ATP2A2: variants seen among roughly 807,000 people sequenced by gnomAD.
The protein encoded by ATP2A2 is sarcoplasmic/endoplasmic reticulum calcium ATPase 2.
A neutral mutation model predicts 109.3 loss-of-function variants in ATP2A2; 14 were observed. The observed-to-expected ratio is 0.13, with a 90% confidence interval of 0.08 to 0.20. The LOEUF (loss-of-function observed/expected upper bound fraction) is 0.20. Among genes scored for constraint, ATP2A2 ranks in the 10% least tolerant of loss-of-function variants. The probability of loss-of-function intolerance (pLI) is 1.00; values close to 1 mark genes in which losing one functional copy is unlikely to be tolerated. For synonymous variants in ATP2A2, 506 were observed against 490.9 expected (o/e 1.03, Z -0.41); for missense variants, 657 against 1,321.6 (o/e 0.50, Z 7.80).
chr12:110,292,785 A>G (rs970945318), intron 4 of ATP2A2, among the ~76,000 whole-genome samples: 4 of 152,176 alleles, frequency 2.6e-5, no homozygotes, highest in African/African-American at 9.7e-5. Flanking sequence ...ACACTGTCTC[A>G]GAAAAACATT....
At position 110,347,497 on chromosome 12, in the gene ATP2A2, T is replaced by C. The variant is rs1159977287; in HGVS notation, c.*1027T>C. The C allele has an allele frequency of 7.8e-7, 1 of 1,289,148 alleles. No individual in the cohort carries two copies. The highest frequency in any genetic ancestry group is 1.2e-5 in the South Asian group (1 of 81,008). 79.9% of individuals were successfully genotyped at this position (1,289,148 alleles called of 1,614,324 possible). ...TGTATTCTTAATGTACAGGCACTAA[T>C]TGTCATCTGTGATGTACATTTTATG... On this transcript the variant is annotated 3_prime_UTR_variant, in exon 20 of 20. Transcript: ENST00000539276.
chr12:110,307,607 T>C lies in ATP2A2; in HGVS notation c.463+10870T>C, dbSNP rs140865428. Among the ~76,000 whole-genome samples, 11 of 152,308 alleles carry C rather than the reference T, an allele frequency of 7.2e-5. No individual in the cohort carries two copies. The East Asian group carries it at 2.1e-3, about 29-fold the overall frequency. On this transcript the variant is annotated intron_variant, in intron 5 of 19. Transcript: ENST00000539276. ...ATTTGCATCTCTCTACTAGTGATGT[T>C]GAGCATTTTTTCCTATGTTGACTAC... is the stretch of plus-strand genomic sequence containing the variant.
chr12:110,282,028 G>T, intron 1 of ATP2A2, 121 bp downstream of exon 1: 2 of 739,628 alleles, frequency 2.7e-6, no homozygotes, highest in East Asian at 3.5e-5. Context: ...CGGGCGGAGG[G>T]TCGGGCCAGC....
chr12:110,350,640 A>C lies in ATP2A2; in HGVS notation c.*4170A>C, dbSNP rs572567587. On this transcript the variant is annotated 3_prime_UTR_variant, in exon 20 of 20. Transcript: ENST00000539276. ...GCCAAGTCGCCACATTTCTCTGCAA[A>C]ATGTCATAGCTTATATAAATGTACA... 2.4e-6 allele frequency: 1 copy of C among 423,094 alleles called. No homozygotes were observed. Among genetic ancestry groups the C allele is most frequent in the African/African-American group, 2.0e-5 (1 of 50,312 alleles). The allele number at this position is 423,094 out of a possible 1,614,324, so 26.2% of individuals were successfully genotyped here.
intron 11 of ATP2A2, among the ~76,000 whole-genome samples, chr12:110,335,837 C>T (rs555141164): frequency 6.6e-6 from 1 of 152,338 alleles, no homozygotes; most frequent in East Asian, 1.9e-4. Context: ...ATGTCTGGTT[C>T]CTGCCCCCAC....
intron 9 of ATP2A2, among the ~76,000 whole-genome samples, chr12:110,332,924 T>C (rs898533284): frequency 2.6e-5 from 4 of 152,266 alleles, no homozygotes; most frequent in African/African-American, 7.2e-5. Context: ...GTGTTTGTTA[T>C]TCACTGTAGC....
chr12:110,326,534 T>G (rs953403434), intron 7 of ATP2A2, 59 bp downstream of exon 7: 17 of 1,470,222 alleles, frequency 1.2e-5, no homozygotes, highest in Non-Finnish European at 1.5e-5. Flanking sequence ...TAATCAAATG[T>G]TATGTTTTTC....
Position 110,349,947 on chromosome 12 carries a change from C to G in ATP2A2, c.*3477C>G. 3 of 1,206,450 alleles carry G rather than the reference C, an allele frequency of 2.5e-6. No individual in the cohort carries two copies. The highest frequency in any genetic ancestry group is 3.8e-5 in the Admixed American group (1 of 26,398). 74.7% of individuals were successfully genotyped at this position (1,206,450 alleles called of 1,614,324 possible). ...ACTGGCTGCTCACTTCTCCATCAAC[C>G]TCACCCTCTGCACCACTAACCAAGA... On this transcript the variant is annotated 3_prime_UTR_variant, in exon 20 of 20. Transcript: ENST00000539276.
At position 110,342,176 on chromosome 12, in the gene ATP2A2, G is replaced by A. The variant is rs756837238; in HGVS notation, c.2098-52G>A. 3.1e-6 allele frequency: 5 copies of A among 1,597,024 alleles called. No homozygotes were observed. Among genetic ancestry groups the A allele is most frequent in the Non-Finnish European group, 3.4e-6 (4 of 1,164,456 alleles). ...CCATTCAGTGGGCTTTTGCCTAGGG[G>A]TATGAATGTGGCATGCCAGTTGGCT... On this transcript the variant is annotated intron_variant, in intron 14 of 19. Coordinates refer to ENST00000539276, the MANE Select transcript of ATP2A2 (RefSeq NM_170665.4). The surrounding 1 kb of genome is among the most constrained non-coding windows in gnomAD (Gnocchi z 4.6).
chr12:110,282,207 C>T (rs1264392677), intron 1 of ATP2A2, among the ~76,000 whole-genome samples: 1 of 152,180 alleles, frequency 6.6e-6, no homozygotes, highest in African/African-American at 2.4e-5. Context: ...CTAGGTTGAG[C>T]CCGGCAAGAC....
chr12:110,293,367 CTTTTTTTT>C (rs1178977431), intron 4 of ATP2A2, among the ~76,000 whole-genome samples: 66 of 79,930 alleles, frequency 8.3e-4, no homozygotes, highest in Middle Eastern at 0.011. Context: ...CACTCCCGGC[CTTTTTTTT>C]TTTTTTTTTT....
intron 5 of ATP2A2, among the ~76,000 whole-genome samples, chr12:110,320,449 G>T (rs1360063213): frequency 6.6e-6 from 1 of 152,022 alleles, no homozygotes; most frequent in African/African-American, 2.4e-5. Context: ...TTCCATTTAG[G>T]GTCATAATAT....
rs887561556 is a variant in ATP2A2 at position 110,327,349 on chromosome 12, C to G, written c.631-204C>G. ...GGCTCAAATAGAAATCTAGGTGGGTCAGTACAGAGCTGCCTGACATAAGTA... is the reference window on the plus strand; with the variant it reads ...GGCTCAAATAGAAATCTAGGTGGGTGAGTACAGAGCTGCCTGACATAAGTA... On this transcript the variant is annotated intron_variant, in intron 7 of 19. Coordinates refer to ENST00000539276, the MANE Select transcript of ATP2A2 (RefSeq NM_170665.4). This position sits in a 1 kb window ranked among gnomAD's most constrained non-coding sequence, Gnocchi z 4.4. 8.5e-5 allele frequency among the ~76,000 whole-genome samples: 13 copies of G among 152,142 alleles called. No homozygotes were observed. The highest frequency in any genetic ancestry group is 3.2e-3 in the Middle Eastern group (1 of 316).
At chr12:110,328,759 G>A (rs1195430149) in intron 8 of ATP2A2, among the ~76,000 whole-genome samples, 2 of 152,030 alleles carry the variant, frequency 1.3e-5, no homozygotes, top group Admixed American at 1.3e-4. Flanking sequence ...TGTAGAGGCA[G>A]GTTCTCACTA....
chr12:110,328,750 G>C (rs1878053033), intron 8 of ATP2A2, among the ~76,000 whole-genome samples: 2 of 150,962 alleles, frequency 1.3e-5, no homozygotes, highest in Admixed American at 6.6e-5. Context: ...ATTTTTTTTT[G>C]TAGAGGCAGG....
Position 110,345,870 on chromosome 12 carries a change from T to C in ATP2A2, c.2742-131T>C, listed in dbSNP as rs1879798107. On this transcript the variant is annotated intron_variant, in intron 18 of 19. Coordinates refer to ENST00000539276, the MANE Select transcript of ATP2A2 (RefSeq NM_170665.4). Reference sequence around the variant, plus strand: ...TCTTCAACTTTGCCACTGTAGAAAGTGGAGGTAGGTCAGCGGATGGTGCCA... The same window carrying C: ...TCTTCAACTTTGCCACTGTAGAAAGCGGAGGTAGGTCAGCGGATGGTGCCA... 1.0e-5 allele frequency: 9 copies of C among 879,418 alleles called. No homozygotes were observed. In the East Asian group the frequency reaches 2.0e-4, roughly 19 times the overall value. The allele number at this position is 879,418 out of a possible 1,614,324, so 54.5% of individuals were successfully genotyped here. A position where few individuals can be genotyped will look rare whatever the true frequency, so the allele number is the denominator to read the frequency against.
intron 3 of ATP2A2, among the ~76,000 whole-genome samples, chr12:110,285,700 C>G (rs1324823614): frequency 6.6e-6 from 1 of 152,162 alleles, no homozygotes; most frequent in African/African-American, 2.4e-5. Flanking sequence ...ATGTTGGTCT[C>G]CCATCTGTCT....
intron 9 of ATP2A2, among the ~76,000 whole-genome samples, 175 bp downstream of exon 9, chr12:110,332,860 A>G (rs1878479214): frequency 2.6e-5 from 4 of 152,272 alleles, no homozygotes; most frequent in Admixed American, 2.6e-4. Context: ...ACCAAAGGTT[A>G]TAATCCAGTC....
rs1210960551 is a variant in ATP2A2 at position 110,342,329 on chromosome 12, C to T, written c.2199C>T (p.Val733=). 3.7e-6 allele frequency: 6 copies of T among 1,614,126 alleles called. No homozygotes were observed. In the African/African-American group the frequency reaches 8.0e-5, roughly 22 times the overall value. ...TAVAKTASEM[V]LADDNFSTIV... ...TGGCTAAAACCGCCTCTGAGATGGT[C>T]CTGGCGGATGACAACTTCTCCACCA... The change falls in exon 15 of 20, where the codon GTC becomes GTT. Residue 733 remains valine (V), a synonymous_variant. Transcript: ENST00000539276. This position sits in a 1 kb window ranked among gnomAD's most constrained non-coding sequence, Gnocchi z 4.6.
Sources: allele counts gnomAD v4.1 joint callset (sites outside exome capture counted in the v4.1 genomes callset), GRCh38; gene constraint gnomAD v4.1.1; non-coding constraint Gnocchi (gnomAD v3.1); transcripts MANE v1.5; gene names NCBI Gene and HGNC (gene_info 2026-07-23, HGNC 2026-07-21).